The following TMEM132C variants were observed in gnomAD, a reference collection of about 807,000 sequenced individuals.
The protein encoded by TMEM132C is protein phosphatase 1, regulatory subunit 152.
Under a neutral mutation model 61.4 loss-of-function variants are expected in TMEM132C, and 29 were observed. That is an observed-to-expected ratio of 0.47 (90% CI 0.35 to 0.64). The LOEUF (loss-of-function observed/expected upper bound fraction) is 0.64. TMEM132C is among the 30% of genes least tolerant of loss of function. TMEM132C has a pLI of 0.00. For synonymous variants in TMEM132C, 656 were observed against 633.1 expected, an observed-to-expected ratio of 1.04 and a Z score of -0.54; for missense variants, 1,408 against 1,476.9, an observed-to-expected ratio of 0.95 and a Z score of 0.76.
At chr12:128,557,058 T>A (rs1401170481) in intron 3 of TMEM132C, among the ~76,000 whole-genome samples, 1 of 152,146 alleles carries the variant, frequency 6.6e-6, no homozygotes, top group East Asian at 1.9e-4. Context: ...CTACTAAAGA[T>A]CAGTGTCAAT....
At chr12:128,429,483 G>A (rs150432600) in intron 2 of TMEM132C, among the ~76,000 whole-genome samples, 18 of 152,272 alleles carry the variant, frequency 1.2e-4, no homozygotes, top group Admixed American at 1.0e-3. Flanking sequence ...GGGAACATGG[G>A]CTGCTAAGAG....
At chr12:128,553,952 G>A (rs7964264) in intron 3 of TMEM132C, among the ~76,000 whole-genome samples, 3 of 152,160 alleles carry the variant, frequency 2.0e-5, no homozygotes, top group African/African-American at 7.2e-5. Context: ...TGCAGCTCCG[G>A]GGGTGTCTGT....
chr12:128,316,101 A>G (rs1004482031), intron 1 of TMEM132C, among the ~76,000 whole-genome samples: 4 of 151,976 alleles, frequency 2.6e-5, no homozygotes, highest in Non-Finnish European at 5.9e-5. Flanking sequence ...TCCCCCAAGC[A>G]GGAGAAAGGA....
intron 1 of TMEM132C, among the ~76,000 whole-genome samples, chr12:128,271,710 T>C (rs11059616): frequency 2.6e-5 from 4 of 152,158 alleles, no homozygotes; most frequent in Non-Finnish European, 2.9e-5. Flanking sequence ...CCTTAAGCAG[T>C]TGAGTTTTGC....
intron 3 of TMEM132C, among the ~76,000 whole-genome samples, chr12:128,601,369 T>G (rs1470323922): frequency 6.6e-6 from 1 of 152,216 alleles, no homozygotes; most frequent in Non-Finnish European, 1.5e-5. Flanking sequence ...CCGCAAACAT[T>G]TGCTGTGCAC....
chr12:128,460,987 A>G (rs1870515034), intron 2 of TMEM132C, among the ~76,000 whole-genome samples: 1 of 152,216 alleles, frequency 6.6e-6, no homozygotes, highest in Non-Finnish European at 1.5e-5. Flanking sequence ...ATGCGTGTTC[A>G]TCAAAAGCCT....
At chr12:128,618,372 C>G (rs1480417162) in intron 4 of TMEM132C, among the ~76,000 whole-genome samples, 3 of 152,160 alleles carry the variant, frequency 2.0e-5, no homozygotes, top group African/African-American at 4.8e-5. Flanking sequence ...TGTCAGGATC[C>G]TTTTGTTTGC....
chr12:128,360,927 C>T (rs1182603774), intron 1 of TMEM132C, among the ~76,000 whole-genome samples: 2 of 152,190 alleles, frequency 1.3e-5, no homozygotes, highest in African/African-American at 2.4e-5. Context: ...GACTGTGTCT[C>T]ATAGAGTGTC....
intron 2 of TMEM132C, among the ~76,000 whole-genome samples, chr12:128,492,438 G>C (rs140272149): frequency 0.012 from 1,851 of 152,234 alleles, 47 homozygotes; most frequent in African/African-American, 0.042. Flanking sequence ...TGTCTTCCAC[G>C]ATGGTTGACC....
chr12:128,638,248 G>A (rs1341546665), intron 4 of TMEM132C, among the ~76,000 whole-genome samples: 1 of 152,112 alleles, frequency 6.6e-6, no homozygotes, highest in East Asian at 1.9e-4. Flanking sequence ...GTCTTTCTTG[G>A]TGTCAGTCAT....
rs1226425993 is a variant in TMEM132C, at chr12:128,570,012, C to A, written c.1121+25909C>A. Among the ~76,000 whole-genome samples the A allele has an allele frequency of 6.6e-6, 1 of 152,168 alleles. No individual in the cohort carries two copies. On this transcript the variant is annotated intron_variant, in intron 3 of 8. Coordinates refer to ENST00000435159, the MANE Select transcript of TMEM132C (RefSeq NM_001136103.3). This position sits in a 1 kb window ranked among gnomAD's most constrained non-coding sequence, Gnocchi z 4.7. ...ATCACTTTCGATGCTCTTTTATTATCATTGCCGTTAACGTGAGAAGTGAAA... is the reference window on the plus strand; with the variant it reads ...ATCACTTTCGATGCTCTTTTATTATAATTGCCGTTAACGTGAGAAGTGAAA...
At position 128,588,231 on chromosome 12, in the gene TMEM132C, C is replaced by G. The variant is rs940591112; in HGVS notation, c.1122-27921C>G. 2.6e-5 allele frequency among the ~76,000 whole-genome samples: 4 copies of G among 152,214 alleles called. No homozygotes were observed. The East Asian group carries it at 7.7e-4, about 29-fold the overall frequency. On this transcript the variant is annotated intron_variant, in intron 3 of 8. Coordinates refer to ENST00000435159, the MANE Select transcript of TMEM132C (RefSeq NM_001136103.3). ...GGTGGATCACTTAAGCTCAGGGGTT[C>G]GAGATAAGCCTGGGCAATATGGTGA...
At chr12:128,597,492 G>A (rs866543150) in intron 3 of TMEM132C, among the ~76,000 whole-genome samples, 1,982 of 68,372 alleles carry the variant, frequency 0.029, 55 homozygotes, top group African/African-American at 0.085. Flanking sequence ...AAGGAAGGAA[G>A]GAAAGAAGGA....
chr12:128,482,764 G>T (rs921373682), intron 2 of TMEM132C, among the ~76,000 whole-genome samples: 20 of 152,094 alleles, frequency 1.3e-4, no homozygotes, highest in African/African-American at 4.8e-4. Flanking sequence ...TCTTCCCAAA[G>T]CCCCAGCTTC....
In TMEM132C at chr12:128,705,302, C is replaced by T. The variant is rs535096005; in HGVS notation, c.2334C>T (p.Ala778=). 2 of 1,551,346 alleles carry T rather than the reference C, an allele frequency of 1.3e-6. No individual in the cohort carries two copies. Among genetic ancestry groups the T allele is most frequent in the African/African-American group, 2.7e-5 (2 of 73,174 alleles). ...GAGTGGACATGACGATCGCCGAGGC[C>T]TGCCAGAAATCTAAACGCAAGAGCA... ...LIRVDMTIAE[A]CQKSKRKSIL... is the part of the protein sequence containing the mutation. The change falls in exon 9 of 9, where the codon GCC becomes GCT. Residue 778 remains alanine, a synonymous_variant. Transcript: ENST00000435159.
At chr12:128,391,405 G>A (rs768524537) in intron 1 of TMEM132C, among the ~76,000 whole-genome samples, 1 of 152,154 alleles carries the variant, frequency 6.6e-6, no homozygotes, top group Non-Finnish European at 1.5e-5. Context: ...CTTTGCACGT[G>A]TATGTTAAGT....
chr12:128,461,708 T>C (rs1195889168), intron 2 of TMEM132C, among the ~76,000 whole-genome samples: 2 of 152,070 alleles, frequency 1.3e-5, no homozygotes, highest in African/African-American at 4.8e-5. Context: ...CCCAGGGAAA[T>C]TTTTTGAGTA....
chr12:128,524,140 T>G (rs7311840), intron 2 of TMEM132C, among the ~76,000 whole-genome samples: 1 of 152,070 alleles, frequency 6.6e-6, no homozygotes, highest in Non-Finnish European at 1.5e-5. Context: ...TAGACTGGGT[T>G]CCTTGGCTTA....
intron 1 of TMEM132C, among the ~76,000 whole-genome samples, chr12:128,390,180 T>G (rs1874718266): frequency 6.6e-6 from 1 of 152,146 alleles, no homozygotes; most frequent in Non-Finnish European, 1.5e-5. Context: ...AGGTTATTCG[T>G]TTTCTGGGCT....
Sources: gnomAD v4.1 joint callset for allele counts (sites outside exome capture counted in the v4.1 genomes callset) on GRCh38, gnomAD v4.1.1 for gene constraint, Gnocchi (gnomAD v3.1) non-coding constraint, MANE v1.5 for transcripts, NCBI Gene and HGNC (gene_info 2026-07-23, HGNC 2026-07-21) for gene names.